The following PTP4A3 variants were observed in gnomAD, a reference collection of about 807,000 sequenced individuals.
PTP4A3 encodes protein tyrosine phosphatase type IVA 3.
In PTP4A3, 9 loss-of-function variants were observed where a neutral mutation model predicts 15.2. The ratio of observed to expected loss-of-function variants is 0.59; its 90% confidence interval spans 0.36 to 1.03. The LOEUF (loss-of-function observed/expected upper bound fraction) is 1.03, where lower values mean the gene tolerates loss of function less well. Ranked by LOEUF, PTP4A3 falls within the 50% of genes least tolerant of loss-of-function variation. PTP4A3 has a pLI of 0.02. For missense variants in PTP4A3, 234 were observed against 252.1 expected (o/e 0.93, Z 0.49); for synonymous variants, 95 against 102.0 (o/e 0.93, Z 0.41).
intron 5 of PTP4A3, among the ~76,000 whole-genome samples, chr8:141,429,017 G>T (rs1456405686): frequency 6.6e-6 from 1 of 152,242 alleles, no homozygotes; most frequent in Non-Finnish European, 1.5e-5. Flanking sequence ...GGCTTTTGCT[G>T]TGTGGCTCCC....
chr8:141,400,386 G>A (rs928774001), intron 1 of PTP4A3, among the ~76,000 whole-genome samples: 1 of 152,218 alleles, frequency 6.6e-6, no homozygotes, highest in Non-Finnish European at 1.5e-5. Flanking sequence ...GGAAATACAC[G>A]GCTGCAGTAG....
chr8:141,426,730 C>T lies in PTP4A3; in HGVS notation c.199-209C>T, dbSNP rs958058122. ...TGGAGGAGGGGATAGCTGCAGTGTACAGGGAATGATGAGGAGTCTGAAGCA... is the reference window on the plus strand; with the variant it reads ...TGGAGGAGGGGATAGCTGCAGTGTATAGGGAATGATGAGGAGTCTGAAGCA... On this transcript the variant is annotated intron_variant, in intron 3 of 5. Coordinates refer to ENST00000521578, the MANE Select transcript of PTP4A3 (RefSeq NM_032611.3). 6 of 955,116 alleles carry T rather than the reference C, an allele frequency of 6.3e-6. No homozygotes were observed. The African/African-American group carries it at 7.1e-5, about 11-fold the overall frequency. The allele number at this position is 955,116 out of a possible 1,614,324, so 59.2% of individuals were successfully genotyped here. A position where few individuals can be genotyped will look rare whatever the true frequency, so the allele number is the denominator to read the frequency against.
chr8:141,404,263 G>A (rs534832023), intron 1 of PTP4A3, among the ~76,000 whole-genome samples: 1 of 152,400 alleles, frequency 6.6e-6, no homozygotes, highest in Admixed American at 6.5e-5. Context: ...GTTATTTGAG[G>A]AGCTGCTGTA....
At chr8:141,430,901 C>G (rs377034216) in intron 5 of PTP4A3, 26 bp from the exon 6 acceptor site, 344 of 1,609,334 alleles carry the variant, frequency 2.1e-4, no homozygotes, top group Non-Finnish European at 4.0e-5. Flanking sequence ...CTTGGATGAT[C>G]TCTGTTCCTG....
In PTP4A3 at chr8:141,421,965, T is replaced by TG. The variant is rs933020137; in HGVS notation, c.-268dup. 219 of 423,364 alleles carry TG rather than the reference T, an allele frequency of 5.2e-4. No individual in the cohort carries two copies. The highest frequency in any genetic ancestry group is 1.0e-3 in the South Asian group (26 of 25,912). The allele number at this position is 423,364 out of a possible 1,614,324, so 26.2% of individuals were successfully genotyped here. On this transcript the variant is annotated 5_prime_UTR_variant, in exon 2 of 6. Coordinates refer to ENST00000521578, the MANE Select transcript of PTP4A3 (RefSeq NM_032611.3). ...GTTGCCCGCTTTACTTTGGTTGGGT[T>TG]GGGGGGGGCGGCGGGCTGTTTTGTT...
Position 141,431,219 on chromosome 8 carries a change from C to T in PTP4A3, c.*175C>T. ...ACTTGTGTCCGAGGAGCGAGGAGCC[C>T]CTCGGGCCCTGGGTGGCCTCTGGGC... On this transcript the variant is annotated 3_prime_UTR_variant, in exon 6 of 6. Transcript: ENST00000521578. 1 of 628,202 alleles carries T rather than the reference C, an allele frequency of 1.6e-6. No individual in the cohort carries two copies. Among genetic ancestry groups the T allele is most frequent in the East Asian group, 2.8e-5 (1 of 36,160 alleles). The allele number at this position is 628,202 out of a possible 1,614,324, so 38.9% of individuals were successfully genotyped here.
intron 1 of PTP4A3, among the ~76,000 whole-genome samples, chr8:141,403,772 G>A (rs879862180): frequency 5.9e-5 from 9 of 152,206 alleles, no homozygotes; most frequent in Non-Finnish European, 1.3e-4. Context: ...CACATCTCAC[G>A]GCAACCATGG....
chr8:141,393,435 AG>A (rs1263984096), intron 1 of PTP4A3, among the ~76,000 whole-genome samples: 2 of 152,274 alleles, frequency 1.3e-5, no homozygotes, highest in Admixed American at 6.5e-5. Context: ...GTTTCCAAAT[AG>A]CCCCGCTAGG....
intron 1 of PTP4A3, among the ~76,000 whole-genome samples, chr8:141,400,868 A>T (rs1181527571): frequency 6.6e-6 from 1 of 152,154 alleles, no homozygotes; most frequent in Admixed American, 6.5e-5. Context: ...AGGAGATGGC[A>T]GTTCCCTCCC....
intron 1 of PTP4A3, among the ~76,000 whole-genome samples, chr8:141,416,861 G>C (rs913931407): frequency 1.3e-5 from 2 of 152,074 alleles, no homozygotes; most frequent in East Asian, 1.9e-4. Context: ...GCAGGGGGAG[G>C]GGGGGTCGTG....
intron 1 of PTP4A3, among the ~76,000 whole-genome samples, chr8:141,394,855 G>A (rs7462121): frequency 1.3e-5 from 2 of 152,142 alleles, no homozygotes; most frequent in Non-Finnish European, 2.9e-5. Flanking sequence ...ACTGCACTTC[G>A]CACAGTTACG....
Position 141,421,968 on chromosome 8 carries a change from G to C in PTP4A3, c.-273G>C, listed in dbSNP as rs1286762466. 5.3e-5 allele frequency: 23 copies of C among 432,172 alleles called. No homozygotes were observed. Among genetic ancestry groups the C allele is most frequent in the East Asian group, 8.1e-5 (2 of 24,730 alleles). 26.8% of individuals were successfully genotyped at this position (432,172 alleles called of 1,614,324 possible). On this transcript the variant is annotated 5_prime_UTR_variant, in exon 2 of 6. Coordinates refer to ENST00000521578, the MANE Select transcript of PTP4A3 (RefSeq NM_032611.3). ...GCCCGCTTTACTTTGGTTGGGTTGG[G>C]GGGGGCGGCGGGCTGTTTTGTTCCT...
At chr8:141,418,375 C>T (rs1833153520) in intron 1 of PTP4A3, among the ~76,000 whole-genome samples, 1 of 152,212 alleles carries the variant, frequency 6.6e-6, no homozygotes, top group African/African-American at 2.4e-5. Flanking sequence ...ACCTCGATTT[C>T]CTCTTCTGTG....
chr8:141,417,942 G>T (rs1168131434), intron 1 of PTP4A3, among the ~76,000 whole-genome samples: 1 of 151,840 alleles, frequency 6.6e-6, no homozygotes, highest in African/African-American at 2.4e-5. Flanking sequence ...CGGAGGGGCG[G>T]CGCCCCGACC....
At chr8:141,403,483 G>C (rs1055210221) in intron 1 of PTP4A3, among the ~76,000 whole-genome samples, 2 of 152,192 alleles carry the variant, frequency 1.3e-5, no homozygotes, top group Non-Finnish European at 1.5e-5. Flanking sequence ...TAAGTTCTTG[G>C]AAGCTGCGGC....
chr8:141,429,199 G>T (rs1366217468), intron 5 of PTP4A3, among the ~76,000 whole-genome samples: 1 of 152,264 alleles, frequency 6.6e-6, no homozygotes. Flanking sequence ...CAGTGTGCCG[G>T]CTGCTGGGCG....
chr8:141,401,253 G>T (rs886552516), intron 1 of PTP4A3, among the ~76,000 whole-genome samples: 2 of 152,188 alleles, frequency 1.3e-5, no homozygotes, highest in Non-Finnish European at 2.9e-5. Flanking sequence ...ATGGAAGACA[G>T]ACAAGCTGGC....
chr8:141,414,709 T>C (rs1178366067), intron 1 of PTP4A3, among the ~76,000 whole-genome samples: 1 of 145,960 alleles, frequency 6.9e-6, no homozygotes, highest in East Asian at 2.0e-4. Flanking sequence ...ATGGCGCAGC[T>C]GTCTTGGTGG....
chr8:141,396,649 C>T (rs888082024), intron 1 of PTP4A3, among the ~76,000 whole-genome samples: 3 of 152,072 alleles, frequency 2.0e-5, no homozygotes, highest in East Asian at 1.9e-4. Context: ...CAAAGGGCAC[C>T]GCTGATGATT....
Sources: allele counts gnomAD v4.1 joint callset (sites outside exome capture counted in the v4.1 genomes callset), GRCh38; gene constraint gnomAD v4.1.1; transcripts MANE v1.5; gene names NCBI Gene and HGNC (gene_info 2026-07-23, HGNC 2026-07-21).